CTNNA3: variants seen among roughly 807,000 people sequenced by gnomAD.
The protein encoded by CTNNA3 is catenin alpha 3.
Under a neutral mutation model 95.7 loss-of-function variants are expected in CTNNA3, and 76 were observed. The observed-to-expected ratio is 0.79, with a 90% CI of 0.66 to 0.96. CTNNA3 has a LOEUF of 0.96. CTNNA3 is among the 40% of genes least tolerant of loss of function. The probability of loss-of-function intolerance (pLI) is 0.00; values close to 1 mark genes in which losing one functional copy is unlikely to be tolerated. For missense variants in CTNNA3, 1,191 were observed against 1,089.8 expected (o/e 1.09, Z -1.31); for synonymous variants, 431 against 374.4 (o/e 1.15, Z -1.74).
At chr10:67,568,939 T>C (rs1371031163) in intron 3 of CTNNA3, among the ~76,000 whole-genome samples, 1 of 152,138 alleles carries the variant, frequency 6.6e-6, no homozygotes, top group African/African-American at 2.4e-5. Flanking sequence ...AGATAAGCAT[T>C]AAGACACAAA....
intron 17 of CTNNA3, among the ~76,000 whole-genome samples, chr10:65,925,283 G>GACA (rs1390540067): frequency 1.3e-5 from 2 of 151,066 alleles, no homozygotes; most frequent in African/African-American, 4.8e-5. Flanking sequence ...TAAGCAAACA[G>GACA]ACAACAACAA....
At chr10:67,688,945 C>T (rs993241546) in intron 1 of CTNNA3, among the ~76,000 whole-genome samples, 6 of 152,080 alleles carry the variant, frequency 3.9e-5, no homozygotes, top group African/African-American at 1.2e-4. Flanking sequence ...AAAAGAGGAC[C>T]GAGGAAGGTC....
chr10:66,118,050 T>C (rs1418278504), intron 13 of CTNNA3, among the ~76,000 whole-genome samples: 2 of 152,214 alleles, frequency 1.3e-5, no homozygotes, highest in Non-Finnish European at 2.9e-5. Context: ...GACCAACTTT[T>C]AGTTAAACAT....
chr10:67,719,216 A>G (rs1841163387), intron 1 of CTNNA3, among the ~76,000 whole-genome samples: 1 of 149,818 alleles, frequency 6.7e-6, no homozygotes, highest in South Asian at 2.1e-4. Context: ...TAGTCTGGCT[A>G]GTGGTCTATT....
intron 5 of CTNNA3, among the ~76,000 whole-genome samples, chr10:67,340,422 CA>C (rs1392974505): frequency 6.6e-6 from 1 of 152,180 alleles, no homozygotes; most frequent in African/African-American, 2.4e-5. Context: ...GGTTTGAATG[CA>C]AAAAACTGCC....
chr10:66,861,100 A>T (rs1244059421), intron 7 of CTNNA3, among the ~76,000 whole-genome samples: 1 of 152,208 alleles, frequency 6.6e-6, no homozygotes, highest in Non-Finnish European at 1.5e-5. Flanking sequence ...CATACAATAA[A>T]ATGTCCTAGA....
chr10:66,348,574 G>C (rs1321649897), intron 12 of CTNNA3, among the ~76,000 whole-genome samples: 1 of 151,908 alleles, frequency 6.6e-6, no homozygotes, highest in African/African-American at 2.4e-5. Flanking sequence ...ATTTCACTTG[G>C]GTCAACTTAA....
At chr10:66,343,819 A>G (rs2092477007) in intron 12 of CTNNA3, among the ~76,000 whole-genome samples, 1 of 152,096 alleles carries the variant, frequency 6.6e-6, no homozygotes, top group Non-Finnish European at 1.5e-5. Context: ...TCGAATCATC[A>G]CTATGTACTC....
intron 13 of CTNNA3, among the ~76,000 whole-genome samples, chr10:66,130,864 C>CAAAAAAAAAAAAAAA (rs1209953818): frequency 1.2e-5 from 1 of 83,302 alleles, no homozygotes; most frequent in African/African-American, 3.9e-5. Context: ...CAAAAACAAA[C>CAAAAAAAAAAAAAAA]AAAAAAAAAA....
At chr10:67,739,661 T>C (rs540090299) in intron 1 of CTNNA3, among the ~76,000 whole-genome samples, 1 of 151,908 alleles carries the variant, frequency 6.6e-6, no homozygotes, top group Non-Finnish European at 1.5e-5. Flanking sequence ...TAAAAGAGGA[T>C]ACAAACAAAT....
At chr10:66,398,826 T>C (rs1415309896) in intron 11 of CTNNA3, among the ~76,000 whole-genome samples, 1 of 152,020 alleles carries the variant, frequency 6.6e-6, no homozygotes, top group East Asian at 1.9e-4. Context: ...AAACCTCCAC[T>C]GTCAGACCAT....
At chr10:66,719,546 C>A (rs1253589966) in intron 9 of CTNNA3, among the ~76,000 whole-genome samples, 1 of 152,170 alleles carries the variant, frequency 6.6e-6, no homozygotes, top group Non-Finnish European at 1.5e-5. Context: ...TGTGTAGCAG[C>A]TTCTGCACAT....
At chr10:65,961,758 T>TAA (rs35657395) in intron 17 of CTNNA3, among the ~76,000 whole-genome samples, 1 of 146,068 alleles carries the variant, frequency 6.8e-6, no homozygotes, top group African/African-American at 2.5e-5. Flanking sequence ...GAATAGTTTG[T>TAA]AAAAAAAAAA....
chr10:67,649,170 T>C (rs1004047119), intron 1 of CTNNA3, among the ~76,000 whole-genome samples: 1 of 152,210 alleles, frequency 6.6e-6, no homozygotes, highest in Non-Finnish European at 1.5e-5. Context: ...ATTTCTGCCA[T>C]TGCTTTGTTC....
chr10:67,612,976 T>C (rs1843513465), intron 2 of CTNNA3, among the ~76,000 whole-genome samples: 1 of 152,212 alleles, frequency 6.6e-6, no homozygotes, highest in African/African-American at 2.4e-5. Flanking sequence ...GAGCCGTCTC[T>C]TGAAAATGTA....
At chr10:67,518,585 T>G (rs973379120) in intron 5 of CTNNA3, among the ~76,000 whole-genome samples, 1 of 152,122 alleles carries the variant, frequency 6.6e-6, no homozygotes, top group African/African-American at 2.4e-5. Flanking sequence ...CAACTTTAAT[T>G]TATATCAAAA....
chr10:66,759,221 C>G (rs1455101196), intron 9 of CTNNA3, among the ~76,000 whole-genome samples: 1 of 152,118 alleles, frequency 6.6e-6, no homozygotes, highest in African/African-American at 2.4e-5. Context: ...AAAGGGAAGA[C>G]AAATGTTTCC....
intron 10 of CTNNA3, among the ~76,000 whole-genome samples, chr10:66,524,287 A>T (rs1055720117): frequency 4.6e-5 from 4 of 86,186 alleles, no homozygotes; most frequent in African/African-American, 7.8e-5. Flanking sequence ...CCATTATAGG[A>T]GGGACTATGT....
At chr10:67,652,942 T>G (rs1469333551) in intron 1 of CTNNA3, among the ~76,000 whole-genome samples, 1 of 152,212 alleles carries the variant, frequency 6.6e-6, no homozygotes, top group Non-Finnish European at 1.5e-5. Flanking sequence ...GCCATTCTCT[T>G]TTATTTGCCT....
Sources: gnomAD v4.1 joint callset for allele counts (sites outside exome capture counted in the v4.1 genomes callset) on GRCh38, gnomAD v4.1.1 for gene constraint, MANE v1.5 for transcripts, NCBI Gene and HGNC (gene_info 2026-07-23, HGNC 2026-07-21) for gene names.